The following NUCB2 variants were observed in gnomAD, a reference collection of about 807,000 sequenced individuals.
NUCB2 encodes the protein nucleobindin-2.
NUCB2 carries 48 observed loss-of-function variants against 57.9 expected under a neutral mutation model. The observed-to-expected ratio is 0.83, with a 90% CI of 0.66 to 1.05. The LOEUF (loss-of-function observed/expected upper bound fraction) is 1.05, where lower values mean the gene tolerates loss of function less well. NUCB2 is among the 50% of genes least tolerant of loss of function. The pLI is 0.00. For missense variants in NUCB2, 442 were observed against 476.2 expected (o/e 0.93, Z 0.67); for synonymous variants, 139 against 152.1 (o/e 0.91, Z 0.64).
intron 2 of NUCB2, among the ~76,000 whole-genome samples, chr11:17,294,438 T>C (rs1363996764): frequency 1.3e-5 from 2 of 152,160 alleles, no homozygotes; most frequent in Non-Finnish European, 2.9e-5. Context: ...ATGGGTGAAT[T>C]TTATGACGTG....
intron 11 of NUCB2, among the ~76,000 whole-genome samples, chr11:17,316,673 C>T (rs1949293155): frequency 6.6e-6 from 1 of 152,148 alleles, no homozygotes; most frequent in African/African-American, 2.4e-5. Flanking sequence ...ACTTGTAACA[C>T]AGTCAACTGT....
chr11:17,298,542 C>T (rs1161147879), intron 4 of NUCB2, among the ~76,000 whole-genome samples: 1 of 151,424 alleles, frequency 6.6e-6, no homozygotes, highest in Non-Finnish European at 1.5e-5. Flanking sequence ...TACTCTAGCC[C>T]GCATGACACA....
At position 17,348,479 on chromosome 11, in the gene NUCB2, T is replaced by C. The variant is rs60472564; in HGVS notation, n.2627-866T>C. Among the ~76,000 whole-genome samples the C allele has an allele frequency of 2.8e-3, 429 of 151,872 alleles. 3 individuals carry two copies. Among genetic ancestry groups the C allele is most frequent in the African/African-American group, 9.9e-3 (411 of 41,398 alleles). On this transcript the variant is annotated intron_variant and non_coding_transcript_variant, in intron 2 of 2. Transcript: ENST00000532240. ...TCAGCCTCTCAAATAGCTGGGAATA[T>C]AGGTGACACCACCACACCCAGCTAA...
At position 17,310,942 on chromosome 11, in the gene NUCB2, AAAG is replaced by A. The variant is rs760721006; in HGVS notation, c.609_611del (p.Glu204del). On this transcript the variant is annotated inframe_deletion, in exon 7 of 14. Transcript: ENST00000529010. ...AAAAACATTGAATGAAGAAAAGAGA[AAAG>A]AAGAAGAGTCTAAATTTGAAGAAAT... The A allele has an allele frequency of 1.0e-5, 16 of 1,595,284 alleles. No homozygotes were observed. The Admixed American group carries it at 1.5e-4, about 15-fold the overall frequency.
intron 8 of NUCB2, 55 bp downstream of exon 8, chr11:17,311,338 G>T: frequency 7.8e-7 from 1 of 1,287,584 alleles, no homozygotes. Context: ...AAAAGTATTT[G>T]CTTTCCTCTT....
chr11:17,306,860 C>T (rs371223323), intron 5 of NUCB2, among the ~76,000 whole-genome samples: 3 of 149,918 alleles, frequency 2.0e-5, no homozygotes, highest in East Asian at 2.0e-4. Context: ...TGCAGTGAGC[C>T]GAGATCATGC....
intron 6 of NUCB2, 70 bp downstream of exon 6, chr11:17,309,745 A>T (rs1948205100): frequency 3.3e-6 from 3 of 898,798 alleles, no homozygotes; most frequent in Non-Finnish European, 5.2e-6. Context: ...AAGTAAACCC[A>T]ATGAAATGGA....
intron 2 of NUCB2, among the ~76,000 whole-genome samples, chr11:17,348,315 T>TTG (rs1565494553): frequency 7.9e-6 from 1 of 127,012 alleles, no homozygotes; most frequent in Non-Finnish European, 1.6e-5. Context: ...TTGTTTGTTT[T>TTG]TGTGTTTTTT....
chr11:17,312,242 G>GTTTTTTTTTTTTTTTTT (rs953833620), intron 10 of NUCB2, 122 bp downstream of exon 10: 1 of 520,474 alleles, frequency 1.9e-6, no homozygotes, highest in African/African-American at 2.1e-5. Context: ...TTTTGTTTTT[G>GTTTTTTTTTTTTTTTTT]TTTTTTTTTT....
At chr11:17,325,513 T>C (rs1950559580) in intron 11 of NUCB2, among the ~76,000 whole-genome samples, 1 of 152,198 alleles carries the variant, frequency 6.6e-6, no homozygotes, top group Admixed American at 6.5e-5. Context: ...TTTTTTGGTT[T>C]CCATTGGCAG....
At chr11:17,335,136 ATCTC>A (rs1408426336), downstream of NUCB2, among the ~76,000 whole-genome samples, 3 of 152,122 alleles carry the variant, frequency 2.0e-5, no homozygotes, top group African/African-American at 4.8e-5. Flanking sequence ...ATGGAATAGA[ATCTC>A]TATTGCTTAA....
chr11:17,285,244 G>A (rs540901127), intron 2 of NUCB2, among the ~76,000 whole-genome samples: 356 of 152,024 alleles, frequency 2.3e-3, no homozygotes, highest in Middle Eastern at 0.014. Context: ...TGGCTAACAT[G>A]GTGAAACCCC....
intron 4 of NUCB2, 105 bp from the exon 5 acceptor site, chr11:17,301,639 C>A: frequency 4.4e-6 from 3 of 684,814 alleles, no homozygotes; most frequent in Non-Finnish European, 7.2e-6. Flanking sequence ...CTAAATTAGT[C>A]AAAAGTATTT....
intron 5 of NUCB2, among the ~76,000 whole-genome samples, chr11:17,302,356 A>C (rs188839650): frequency 6.6e-6 from 1 of 152,168 alleles, no homozygotes; most frequent in Non-Finnish European, 1.5e-5. Flanking sequence ...AAATCAGTAT[A>C]ATAAGCCATA....
At position 17,321,240 on chromosome 11, in the gene NUCB2, C is replaced by T. The variant is rs73417239; in HGVS notation, c.1002+5765C>T. Among the ~76,000 whole-genome samples the T allele has an allele frequency of 7.2e-3, 1,087 of 151,378 alleles. 15 individuals are homozygous for T. Among genetic ancestry groups the T allele is most frequent in the African/African-American group, 0.024 (1,007 of 41,292 alleles). Reference sequence around the variant, plus strand: ...TGGTACCCATTAACTATCCCCACCACTCCCCAACTCCACACTTTTCCTAGC... The same window carrying T: ...TGGTACCCATTAACTATCCCCACCATTCCCCAACTCCACACTTTTCCTAGC... On this transcript the variant is annotated intron_variant, in intron 11 of 13. Coordinates refer to ENST00000529010, the MANE Select transcript of NUCB2 (RefSeq NM_005013.4).
chr11:17,341,997 T>C (rs1202862227), intron 2 of NUCB2, among the ~76,000 whole-genome samples: 7 of 152,176 alleles, frequency 4.6e-5, no homozygotes, highest in African/African-American at 1.2e-4. Context: ...TTTCAGAGCC[T>C]GTTATTGGTC....
intron 5 of NUCB2, among the ~76,000 whole-genome samples, chr11:17,302,643 T>C (rs1287532335): frequency 6.6e-6 from 1 of 152,032 alleles, no homozygotes; most frequent in Non-Finnish European, 1.5e-5. Flanking sequence ...TGGTCATAGC[T>C]CACTGCAGCC....
chr11:17,342,871 T>TA (rs1266400067), intron 2 of NUCB2, among the ~76,000 whole-genome samples: 4 of 152,206 alleles, frequency 2.6e-5, no homozygotes, highest in Non-Finnish European at 5.9e-5. Flanking sequence ...ATATCCCTGT[T>TA]AACTTTCTGT....
intron 10 of NUCB2, among the ~76,000 whole-genome samples, chr11:17,314,314 A>G (rs1284414459): frequency 6.6e-6 from 1 of 152,190 alleles, no homozygotes; most frequent in African/African-American, 2.4e-5. Flanking sequence ...AGGCAGAGTA[A>G]GCTCTTAAAA....
Sources: allele counts gnomAD v4.1 joint callset (sites outside exome capture counted in the v4.1 genomes callset), GRCh38; gene constraint gnomAD v4.1.1; transcripts MANE v1.5; gene names NCBI Gene and HGNC (gene_info 2026-07-23, HGNC 2026-07-21).